FREM1: variants seen among roughly 807,000 people sequenced by gnomAD.
FREM1 encodes FRAS1 related extracellular matrix 1, also known as FRAS1-related extracellular matrix protein 1.
In FREM1, 220 loss-of-function variants were observed where a neutral mutation model predicts 210.1. The ratio of observed to expected loss-of-function variants is 1.05; its 90% CI spans 0.94 to 1.17. The LOEUF (loss-of-function observed/expected upper bound fraction) is 1.17. Ranked by LOEUF, FREM1 falls within the 50% of genes most tolerant of loss-of-function variation. The pLI, the probability that FREM1 is intolerant of heterozygous loss-of-function variation, is 0.00. For synonymous variants in FREM1, 1,189 were observed against 980.2 expected, an observed-to-expected ratio of 1.21 and a Z score of -3.98; for missense variants, 3,454 against 2,675.5, an observed-to-expected ratio of 1.29 and a Z score of -6.42.
intron 1 of FREM1, among the ~76,000 whole-genome samples, chr9:14,879,592 G>T (rs1312038546): frequency 3.3e-5 from 5 of 152,136 alleles, no homozygotes; most frequent in African/African-American, 1.2e-4. Context: ...GTCAAGAAGG[G>T]GATGGTTAAA....
At chr9:14,881,137 T>C (rs770205797) in intron 1 of FREM1, among the ~76,000 whole-genome samples, 20 of 152,240 alleles carry the variant, frequency 1.3e-4, no homozygotes, top group Non-Finnish European at 2.8e-4. Context: ...CCTGGAATTC[T>C]CTTCTCCTGC....
At position 14,874,805 on chromosome 9, in the gene FREM1, C is replaced by A. The variant is rs549171942; in HGVS notation, c.-267-5561G>T. Reference sequence around the variant, plus strand: ...TGGCATGATTTTGCAGTGGCTGGTACCGGTTGTTCCTTTCCATATTTAGTG... The same window carrying A: ...TGGCATGATTTTGCAGTGGCTGGTAACGGTTGTTCCTTTCCATATTTAGTG... On this transcript the variant is annotated intron_variant, in intron 1 of 36. Transcript: ENST00000380880. 4.7e-4 allele frequency among the ~76,000 whole-genome samples: 72 copies of A among 152,208 alleles called. No individual in the cohort carries two copies. The East Asian group carries it at 6.2e-3, about 13-fold the overall frequency.
chr9:14,906,328 C>T (rs1817691369), intron 1 of FREM1, among the ~76,000 whole-genome samples: 2 of 152,248 alleles, frequency 1.3e-5, no homozygotes, highest in East Asian at 1.9e-4. Context: ...TTTAACATTC[C>T]GGCCCTTGCG....
intron 10 of FREM1, among the ~76,000 whole-genome samples, chr9:14,840,452 A>T (rs1825476549): frequency 6.6e-6 from 1 of 152,174 alleles, no homozygotes; most frequent in Admixed American, 6.5e-5. Flanking sequence ...AGAAGGCAAA[A>T]AGGATCAAGT....
intron 1 of FREM1, among the ~76,000 whole-genome samples, chr9:14,899,165 T>C (rs1003390182): frequency 6.6e-6 from 1 of 152,134 alleles, no homozygotes; most frequent in African/African-American, 2.4e-5. Flanking sequence ...TTGAGGACTG[T>C]CTCTTCTGGG....
chr9:14,788,853 G>C (rs937693010), intron 23 of FREM1, 66 bp downstream of exon 23: 4 of 1,205,242 alleles, frequency 3.3e-6, no homozygotes, highest in Middle Eastern at 1.9e-4. Context: ...AGAAAGAAAC[G>C]AATGTGGAAT....
intron 3 of FREM1, among the ~76,000 whole-genome samples, chr9:14,862,935 T>G (rs1830834366): frequency 6.6e-6 from 1 of 152,196 alleles, no homozygotes; most frequent in South Asian, 2.1e-4. Context: ...GCATTGAACT[T>G]TAAGTGCAAG....
chr9:14,882,912 CAAA>C lies in FREM1; in HGVS notation c.-267-13671_-267-13669del, dbSNP rs71323913. ...AGGGCAGCAGAGCGAGACTCCATCT[CAAA>C]AAAAAAAAAAAAAGGAATCACCCAT... is the stretch of plus-strand genomic sequence containing the variant. On this transcript the variant is annotated intron_variant, in intron 1 of 36. Coordinates refer to ENST00000380880, the MANE Select transcript of FREM1 (RefSeq NM_001379081.2). 8.8e-5 allele frequency among the ~76,000 whole-genome samples: 4 copies of C among 45,418 alleles called. 1 individual carries two copies. Among genetic ancestry groups the C allele is most frequent in the South Asian group, 1.6e-3 (1 of 638 alleles). 29.8% of individuals were successfully genotyped at this position (45,418 alleles called of 152,430 possible). A position where few individuals can be genotyped will look rare whatever the true frequency, so the allele number is the denominator to read the frequency against.
At chr9:14,858,709 C>A (rs1054911744) in intron 4 of FREM1, among the ~76,000 whole-genome samples, 12 of 152,090 alleles carry the variant, frequency 7.9e-5, no homozygotes, top group African/African-American at 2.9e-4. Flanking sequence ...GGAATGTTAC[C>A]CATAAACTCT....
rs16932323 is a variant in FREM1, at chr9:14,823,220, A to G, written c.2277T>C (p.Gly759=). 7.6e-3 allele frequency: 12,266 copies of G among 1,613,912 alleles called. 789 individuals carry two copies. In the African/African-American group the frequency reaches 0.14, roughly 19 times the overall value. ...FTFSVSNQHG[G]TLHGICFNIT... The stretch of plus-strand genomic sequence containing the variant: ...TGTTAAAGCAGATCCCATGCAAAGT[A>G]CCGCCATGTTGGTTACTGACAGAAA... Residue 759 remains glycine (G), a synonymous_variant, in exon 13 of 37, where the codon GGT becomes GGC. Transcript: ENST00000380880.
At chr9:14,763,334 C>A (rs1363042454) in intron 27 of FREM1, among the ~76,000 whole-genome samples, 1 of 152,108 alleles carries the variant, frequency 6.6e-6, no homozygotes, top group Non-Finnish European at 1.5e-5. Flanking sequence ...GACAAATGCT[C>A]CTTGGGAGAA....
Position 14,840,683 on chromosome 9 carries a change from A to G in FREM1, c.1881+764T>C, listed in dbSNP as rs572111963. On this transcript the variant is annotated intron_variant, in intron 10 of 36. Transcript: ENST00000380880. ...TTCAAGATGAGATTTGGGTGGGGACACAGCCAAACCATATCAGTAGGTGAT... is the reference window on the plus strand; with the variant it reads ...TTCAAGATGAGATTTGGGTGGGGACGCAGCCAAACCATATCAGTAGGTGAT... 3.7e-4 allele frequency among the ~76,000 whole-genome samples: 57 copies of G among 152,348 alleles called. 1 individual carries two copies. In the South Asian group the frequency reaches 0.012, roughly 32 times the overall value.
intron 1 of FREM1, among the ~76,000 whole-genome samples, chr9:14,901,827 A>T (rs529399280): frequency 1.3e-5 from 2 of 152,098 alleles, no homozygotes; most frequent in Admixed American, 1.3e-4. Context: ...CATAATATTG[A>T]CTTTATGGGG....
chr9:14,907,417 TG>T (rs1270021557), intron 1 of FREM1, among the ~76,000 whole-genome samples: 1 of 152,170 alleles, frequency 6.6e-6, no homozygotes, highest in Admixed American at 6.5e-5. Flanking sequence ...GCCTCTCACC[TG>T]GTAGCACAAA....
intron 24 of FREM1, among the ~76,000 whole-genome samples, chr9:14,782,560 T>C (rs530194372): frequency 1.2e-4 from 19 of 152,232 alleles, no homozygotes; most frequent in African/African-American, 4.6e-4. Context: ...CTGATACAAA[T>C]GTATTAAGCC....
chr9:14,804,325 C>T (rs564460859), intron 19 of FREM1, among the ~76,000 whole-genome samples: 3 of 152,314 alleles, frequency 2.0e-5, no homozygotes, highest in South Asian at 4.2e-4. Flanking sequence ...GTGGCTCATG[C>T]CTGTAATCCC....
chr9:14,784,648 G>A lies in FREM1; in HGVS notation c.4178-14C>T, dbSNP rs1850132149. 6.6e-7 allele frequency: 1 copy of A among 1,525,204 alleles called. No homozygotes were observed. The highest frequency in any genetic ancestry group is 8.8e-7 in the Non-Finnish European group (1 of 1,131,214). 94.5% of individuals were successfully genotyped at this position (1,525,204 alleles called of 1,614,324 possible). On this transcript the variant is annotated splice_polypyrimidine_tract_variant and intron_variant, in intron 23 of 36. Transcript: ENST00000380880. ...TGACAATATCACCTACATGACATAA[G>A]AGGTTATGGTCAATAATCATATCAA...
intron 3 of FREM1, among the ~76,000 whole-genome samples, chr9:14,861,128 CACATATAT>C (rs1474509505): frequency 2.9e-5 from 3 of 103,362 alleles, no homozygotes; most frequent in African/African-American, 4.9e-5. Context: ...TACATATATA[CACATATAT>C]ACATATATAC....
intron 1 of FREM1, among the ~76,000 whole-genome samples, chr9:14,887,389 G>C (rs140342443): frequency 6.6e-6 from 1 of 152,198 alleles, no homozygotes; most frequent in African/African-American, 2.4e-5. Flanking sequence ...CCTTTCCCCT[G>C]TATCCTGACA....
Sources: allele counts gnomAD v4.1 joint callset (sites outside exome capture counted in the v4.1 genomes callset), GRCh38; gene constraint gnomAD v4.1.1; transcripts MANE v1.5; gene names NCBI Gene and HGNC (gene_info 2026-07-23, HGNC 2026-07-21).